ASB15: variants seen among roughly 807,000 people sequenced by gnomAD.
The protein encoded by ASB15 is ankyrin repeat and SOCS box containing 15.
A neutral mutation model predicts 58.0 loss-of-function variants in ASB15; 54 were observed. The observed-to-expected ratio is 0.93, with a 90% CI of 0.75 to 1.17. ASB15 has a LOEUF of 1.17. Among genes scored for constraint, ASB15 ranks in the 50% most tolerant of loss-of-function variants. ASB15 has a pLI of 0.00. For synonymous variants in ASB15, 249 were observed against 262.4 expected (o/e 0.95, Z 0.50); for missense variants, 680 against 707.4 (o/e 0.96, Z 0.44).
chr7:123,606,011 C>T (rs1386995244), intron 2 of ASB15, among the ~76,000 whole-genome samples: 1 of 151,978 alleles, frequency 6.6e-6, no homozygotes, highest in East Asian at 1.9e-4. Context: ...AAAAATAATA[C>T]TTTTTAAAAG....
chr7:123,593,586 G>A (rs1433022061), intron 1 of ASB15, among the ~76,000 whole-genome samples: 2 of 151,970 alleles, frequency 1.3e-5, no homozygotes, highest in Non-Finnish European at 2.9e-5. Flanking sequence ...TTTTCTTTAA[G>A]AATGTTGAAT....
At chr7:123,577,039 C>T (rs375743192) in intron 1 of ASB15, among the ~76,000 whole-genome samples, 34 of 152,138 alleles carry the variant, frequency 2.2e-4, no homozygotes, top group Admixed American at 9.8e-4. Flanking sequence ...AAATTATTCT[C>T]TTATTGATAT....
intron 6 of ASB15, 66 bp from the exon 7 acceptor site, chr7:123,617,513 C>T: frequency 7.1e-7 from 1 of 1,399,088 alleles, no homozygotes; most frequent in Non-Finnish European, 9.9e-7. Context: ...TTGGATTGCT[C>T]TGATTTGTGT....
intron 6 of ASB15, among the ~76,000 whole-genome samples, chr7:123,617,065 C>T (rs757123040): frequency 1.3e-5 from 2 of 152,122 alleles, no homozygotes; most frequent in East Asian, 1.9e-4. Context: ...AGTGCCCTAT[C>T]GTTCAGCTTC....
At position 123,637,900 on chromosome 7, in the gene ASB15, A is replaced by AAAAAAAAAAAAAAAAAAAAAAAAAC; in HGVS notation, c.*919_*920insAAAAAAAAAAAAAAAAAAAAAAAAC. ...AACTAAAAAAAAAAAAAAAAAAAAA[A>AAAAAAAAAAAAAAAAAAAAAAAAAC]CCTCTTTCCCGAGCTCAGTAGTTAG... On this transcript the variant is annotated 3_prime_UTR_variant, in exon 12 of 12. Transcript: ENST00000451215. 1.4e-5 allele frequency: 2 copies of AAAAAAAAAAAAAAAAAAAAAAAAAC among 139,628 alleles called. No homozygotes were observed. Among genetic ancestry groups the AAAAAAAAAAAAAAAAAAAAAAAAAC allele is most frequent in the Admixed American group, 7.0e-5 (1 of 14,206 alleles). The allele number at this position is 139,628 out of a possible 1,614,324, so 8.6% of individuals were successfully genotyped here.
intron 1 of ASB15, among the ~76,000 whole-genome samples, chr7:123,567,539 T>C (rs1043826890): frequency 7.2e-5 from 11 of 152,220 alleles, no homozygotes; most frequent in Non-Finnish European, 1.6e-4. Flanking sequence ...AGCTCTTTTG[T>C]GAGGGACTGG....
chr7:123,577,821 T>C (rs1045312874), intron 1 of ASB15, among the ~76,000 whole-genome samples: 1 of 152,174 alleles, frequency 6.6e-6, no homozygotes, highest in Non-Finnish European at 1.5e-5. Flanking sequence ...AAAGACATTC[T>C]AGACATCATG....
intron 1 of ASB15, among the ~76,000 whole-genome samples, chr7:123,592,085 G>A (rs772176955): frequency 1.6e-4 from 24 of 152,140 alleles, no homozygotes; most frequent in Non-Finnish European, 3.2e-4. Flanking sequence ...GTTTATTTCT[G>A]TAGAGGTGTT....
At chr7:123,614,746 T>C in intron 4 of ASB15, 137 bp downstream of exon 4, 1 of 678,218 alleles carries the variant, frequency 1.5e-6, no homozygotes, top group Non-Finnish European at 2.6e-6. Flanking sequence ...CTAACAGCTT[T>C]CCAAGGGCCA....
chr7:123,584,518 T>C (rs192695156), intron 1 of ASB15, among the ~76,000 whole-genome samples: 19 of 152,054 alleles, frequency 1.2e-4, no homozygotes, highest in African/African-American at 4.6e-4. Flanking sequence ...TAAATGTTTC[T>C]TAGTAGAATC....
intron 1 of ASB15, among the ~76,000 whole-genome samples, chr7:123,574,606 A>G (rs1394178430): frequency 6.6e-6 from 1 of 152,182 alleles, no homozygotes; most frequent in East Asian, 1.9e-4. Flanking sequence ...TCCTACTGCC[A>G]GTAGCATCAT....
intron 1 of ASB15, among the ~76,000 whole-genome samples, chr7:123,589,735 G>A (rs915665898): frequency 6.6e-6 from 1 of 152,022 alleles, no homozygotes; most frequent in African/African-American, 2.4e-5. Flanking sequence ...GGACATTTGG[G>A]TTGATTCCAA....
chr7:123,624,827 G>C lies in ASB15; in HGVS notation c.697+13G>C, dbSNP rs1263161289. On this transcript the variant is annotated intron_variant, in intron 8 of 11. Coordinates refer to ENST00000451215, the MANE Select transcript of ASB15 (RefSeq NM_001290258.2). ...CTAATCCACAAAGGTATGTGAAAAG[G>C]AGTTACACTTCCTGACTTTTGTCCT... 11 of 1,610,290 alleles carry C rather than the reference G, an allele frequency of 6.8e-6. No homozygotes were observed. The highest frequency in any genetic ancestry group is 4.0e-5 in the African/African-American group (3 of 74,976).
At chr7:123,593,898 C>T (rs1179921490) in intron 1 of ASB15, among the ~76,000 whole-genome samples, 1 of 152,164 alleles carries the variant, frequency 6.6e-6, no homozygotes, top group Non-Finnish European at 1.5e-5. Context: ...CAATTCTCCC[C>T]GTCACTTTCA....
At chr7:123,580,850 G>A (rs1342866229) in intron 1 of ASB15, among the ~76,000 whole-genome samples, 11 of 151,820 alleles carry the variant, frequency 7.2e-5, no homozygotes, top group Admixed American at 3.3e-4. Context: ...TTATTATACC[G>A]CAAACCACTA....
chr7:123,607,652 A>G (rs932423575), intron 2 of ASB15, among the ~76,000 whole-genome samples: 4 of 151,916 alleles, frequency 2.6e-5, no homozygotes, highest in Admixed American at 2.6e-4. Flanking sequence ...ACATCCAATT[A>G]GTTTTTGTAT....
intron 7 of ASB15, 104 bp downstream of exon 7, chr7:123,617,841 A>G (rs1283816332): frequency 2.6e-6 from 3 of 1,170,700 alleles, no homozygotes; most frequent in Non-Finnish European, 3.6e-6. Context: ...AGTTCCTTCC[A>G]TTCCCTGAGC....
intron 1 of ASB15, among the ~76,000 whole-genome samples, chr7:123,581,736 T>C (rs1021037833): frequency 4.6e-5 from 7 of 151,934 alleles, no homozygotes; most frequent in African/African-American, 1.7e-4. Flanking sequence ...GGCTGTAACA[T>C]GAAAATTTTC....
At chr7:123,619,727 G>T (rs982438199) in intron 7 of ASB15, among the ~76,000 whole-genome samples, 1 of 152,084 alleles carries the variant, frequency 6.6e-6, no homozygotes, top group African/African-American at 2.4e-5. Context: ...GTTTCACCGT[G>T]TTAGCCAGGA....
Sources: allele counts gnomAD v4.1 joint callset (sites outside exome capture counted in the v4.1 genomes callset), GRCh38; gene constraint gnomAD v4.1.1; transcripts MANE v1.5; gene names NCBI Gene and HGNC (gene_info 2026-07-23, HGNC 2026-07-21).